Variants in CDK14 observed in about 807,000 individuals in gnomAD.
The protein encoded by CDK14 is cyclin-dependent kinase 14.
Under a neutral mutation model 60.7 loss-of-function variants are expected in CDK14, and 34 were observed. The ratio of observed to expected loss-of-function variants is 0.56; its 90% CI spans 0.43 to 0.75. CDK14 has a LOEUF of 0.75. Ranked by LOEUF, CDK14 falls within the 30% of genes least tolerant of loss-of-function variation. The probability of loss-of-function intolerance (pLI) is 0.00; values close to 1 mark genes in which losing one functional copy is unlikely to be tolerated. For synonymous variants in CDK14, 197 were observed against 203.7 expected (o/e 0.97, Z 0.28); for missense variants, 482 against 564.1 (o/e 0.85, Z 1.47).
At chr7:90,812,015 G>T (rs2117045001) in intron 5 of CDK14, among the ~76,000 whole-genome samples, 1 of 152,308 alleles carries the variant, frequency 6.6e-6, no homozygotes, top group African/African-American at 2.4e-5. Flanking sequence ...TTACACTGTT[G>T]GTGAGACTGT....
intron 12 of CDK14, among the ~76,000 whole-genome samples, chr7:91,096,607 C>G (rs535889085): frequency 1.3e-5 from 2 of 152,080 alleles, no homozygotes. Context: ...ATCTTGCTTT[C>G]ATTACAGCTA....
chr7:91,011,217 T>C (rs1034058256), intron 10 of CDK14, among the ~76,000 whole-genome samples: 9 of 152,102 alleles, frequency 5.9e-5, no homozygotes, highest in Admixed American at 5.9e-4. Context: ...ATCTGTATCC[T>C]GGAATAGGTA....
At chr7:90,693,458 T>G (rs1377815514) in intron 2 of CDK14, among the ~76,000 whole-genome samples, 1 of 152,222 alleles carries the variant, frequency 6.6e-6, no homozygotes, top group Non-Finnish European at 1.5e-5. Flanking sequence ...TGTGTCTTTA[T>G]AATGAATAGC....
At chr7:90,850,324 T>C (rs1790608563) in intron 5 of CDK14, among the ~76,000 whole-genome samples, 1 of 152,206 alleles carries the variant, frequency 6.6e-6, no homozygotes, top group African/African-American at 2.4e-5. Flanking sequence ...CATGCGTTAT[T>C]CAATCAGCAC....
At chr7:91,126,132 A>G (rs1227423798) in intron 14 of CDK14, among the ~76,000 whole-genome samples, 1 of 152,200 alleles carries the variant, frequency 6.6e-6, no homozygotes, top group Admixed American at 6.6e-5. Context: ...CAAATTAACC[A>G]TCTCCGGGAT....
chr7:91,032,999 T>C (rs543066216), intron 10 of CDK14, among the ~76,000 whole-genome samples: 1 of 152,324 alleles, frequency 6.6e-6, no homozygotes, highest in Admixed American at 6.5e-5. Flanking sequence ...AGGGTAAAGG[T>C]TGACAATCAG....
intron 11 of CDK14, among the ~76,000 whole-genome samples, chr7:91,067,259 A>G (rs1798009181): frequency 6.6e-6 from 1 of 152,306 alleles, no homozygotes; most frequent in Admixed American, 6.5e-5. Context: ...TGATGGAAGT[A>G]GTTTGTAAAA....
intron 4 of CDK14, among the ~76,000 whole-genome samples, chr7:90,755,515 C>G (rs1804018922): frequency 1.3e-5 from 2 of 152,134 alleles, no homozygotes; most frequent in Admixed American, 1.3e-4. Flanking sequence ...GGGTACTATA[C>G]TTACTACCTG....
intron 8 of CDK14, among the ~76,000 whole-genome samples, chr7:90,941,789 T>C (rs748194868): frequency 6.6e-6 from 1 of 152,070 alleles, no homozygotes; most frequent in Non-Finnish European, 1.5e-5. Context: ...CATCAGGTGT[T>C]GTTCTGTTGT....
At chr7:91,026,029 T>G (rs1271528382) in intron 10 of CDK14, among the ~76,000 whole-genome samples, 1 of 152,196 alleles carries the variant, frequency 6.6e-6, no homozygotes, top group Non-Finnish European at 1.5e-5. Flanking sequence ...AGTTACCTTT[T>G]TTTTTTTAGT....
In CDK14 at chr7:91,209,407, G is replaced by A. The variant is rs78047617; in HGVS notation, c.*2271G>A. ...CAAAGTTTGGTGTCTCTCTCTCTCT[G>A]TCTCTTTCTTTCTCTTTCTCCCCCC... On this transcript the variant is annotated 3_prime_UTR_variant, in exon 15 of 15. Coordinates refer to ENST00000380050, the MANE Select transcript of CDK14 (RefSeq NM_001287135.2). The A allele has an allele frequency of 8.4e-6, 1 of 118,730 alleles. No homozygotes were observed. Among genetic ancestry groups the A allele is most frequent in the African/African-American group, 3.1e-5 (1 of 31,948 alleles). 7.4% of individuals were successfully genotyped at this position (118,730 alleles called of 1,614,324 possible). A position where few individuals can be genotyped will look rare whatever the true frequency, so the allele number is the denominator to read the frequency against.
At chr7:90,827,982 A>G (rs1420588537) in intron 5 of CDK14, among the ~76,000 whole-genome samples, 1 of 152,238 alleles carries the variant, frequency 6.6e-6, no homozygotes, top group Non-Finnish European at 1.5e-5. Context: ...CACATTTTAA[A>G]ATAAAAGAAA....
chr7:90,635,359 C>T (rs1800116454), intron 2 of CDK14, among the ~76,000 whole-genome samples: 1 of 152,200 alleles, frequency 6.6e-6, no homozygotes, highest in Non-Finnish European at 1.5e-5. Flanking sequence ...GATGGCTAGC[C>T]AGTTTTCCCA....
chr7:90,972,224 C>T (rs1170806692), intron 9 of CDK14, among the ~76,000 whole-genome samples: 6 of 152,224 alleles, frequency 3.9e-5, no homozygotes, highest in Admixed American at 1.3e-4. Flanking sequence ...AAGTTCTTGA[C>T]TAAGATATAT....
In CDK14 at chr7:91,045,977, A is replaced by C. The variant is rs749251945; in HGVS notation, c.1105+17A>C. 6.5e-7 allele frequency: 1 copy of C among 1,527,870 alleles called. No individual in the cohort carries two copies. 94.6% of individuals were successfully genotyped at this position (1,527,870 alleles called of 1,614,324 possible). A position where few individuals can be genotyped will look rare whatever the true frequency, so the allele number is the denominator to read the frequency against. On this transcript the variant is annotated intron_variant, in intron 11 of 14. Coordinates refer to ENST00000380050, the MANE Select transcript of CDK14 (RefSeq NM_001287135.2). ...TTAAGCCAGGTATGTTTCATTAATT[A>C]CAGATGACTAGGTGCTTCCTATATG...
intron 9 of CDK14, among the ~76,000 whole-genome samples, chr7:90,971,073 T>TC (rs1365306992): frequency 6.7e-6 from 1 of 148,764 alleles, no homozygotes; most frequent in Non-Finnish European, 1.5e-5. Context: ...CCCTCCCCGC[T>TC]CCCCCCACCC....
At chr7:91,073,850 T>G (rs1252320670) in intron 11 of CDK14, among the ~76,000 whole-genome samples, 2 of 149,390 alleles carry the variant, frequency 1.3e-5, no homozygotes, top group Non-Finnish European at 3.0e-5. Flanking sequence ...GAGGTTGCAG[T>G]CCTAGTCTCT....
At chr7:90,629,177 A>G (rs1354566863) in intron 2 of CDK14, among the ~76,000 whole-genome samples, 1 of 152,166 alleles carries the variant, frequency 6.6e-6, no homozygotes, top group Non-Finnish European at 1.5e-5. Flanking sequence ...ATGACCTTTC[A>G]TGGCAAAATT....
chr7:90,779,028 A>T (rs765174270), intron 4 of CDK14, among the ~76,000 whole-genome samples: 1 of 151,650 alleles, frequency 6.6e-6, no homozygotes, highest in Non-Finnish European at 1.5e-5. Context: ...CGAGGGGTGG[A>T]TCATAGTGAG....
Sources: allele counts gnomAD v4.1 joint callset (sites outside exome capture counted in the v4.1 genomes callset), GRCh38; gene constraint gnomAD v4.1.1; transcripts MANE v1.5; gene names NCBI Gene and HGNC (gene_info 2026-07-23, HGNC 2026-07-21).